Variants in FHIP2A observed in about 807,000 individuals in gnomAD.
FHIP2A encodes FHF complex subunit HOOK interacting protein 2A.
Under a neutral mutation model 93.5 loss-of-function variants are expected in FHIP2A, and 46 were observed. The ratio of observed to expected loss-of-function variants is 0.49; its 90% CI spans 0.39 to 0.63. The LOEUF is 0.63. FHIP2A is among the 20% of genes least tolerant of loss of function. The pLI, the probability that FHIP2A is intolerant of heterozygous loss-of-function variation, is 0.00. For synonymous variants in FHIP2A, 332 were observed against 326.5 expected, an observed-to-expected ratio of 1.02 and a Z score of -0.18; for missense variants, 769 against 909.7, an observed-to-expected ratio of 0.85 and a Z score of 1.99.
At chr10:114,860,278 T>C (rs916517221) in intron 14 of FHIP2A, among the ~76,000 whole-genome samples, 2 of 152,216 alleles carry the variant, frequency 1.3e-5, no homozygotes, top group Admixed American at 1.3e-4. Flanking sequence ...TTTGAGATGA[T>C]GAGAGCTAGT....
chr10:114,828,642 A>G (rs2083591057), intron 1 of FHIP2A, among the ~76,000 whole-genome samples: 1 of 152,170 alleles, frequency 6.6e-6, no homozygotes, highest in Admixed American at 6.5e-5. Flanking sequence ...TTATCTAAAC[A>G]TTTTAGGAAG....
intron 1 of FHIP2A, among the ~76,000 whole-genome samples, chr10:114,825,608 A>C (rs1042421937): frequency 6.6e-6 from 1 of 152,222 alleles, no homozygotes; most frequent in Admixed American, 6.5e-5. Flanking sequence ...GTCTTCTCTC[A>C]GTACAGAAAT....
At chr10:114,883,826 C>A (rs994591976) in intron 16 of FHIP2A, among the ~76,000 whole-genome samples, 2 of 152,114 alleles carry the variant, frequency 1.3e-5, no homozygotes, top group Non-Finnish European at 2.9e-5. Context: ...GTGATCCACC[C>A]GCCTTGGCCT....
chr10:114,849,567 T>A (rs1056365240), intron 13 of FHIP2A, among the ~76,000 whole-genome samples: 1 of 152,252 alleles, frequency 6.6e-6, no homozygotes, highest in Admixed American at 6.5e-5. Flanking sequence ...CGTAAGATTT[T>A]AAAAATTGTA....
At chr10:114,831,048 A>T in intron 2 of FHIP2A, 118 bp downstream of exon 2, 1 of 587,038 alleles carries the variant, frequency 1.7e-6, no homozygotes, top group South Asian at 2.6e-5. Context: ...GTTTATAGAC[A>T]ATCTTATCTT....
At chr10:114,888,871 G>A (rs1402539227) in intron 16 of FHIP2A, among the ~76,000 whole-genome samples, 2 of 152,124 alleles carry the variant, frequency 1.3e-5, no homozygotes, top group African/African-American at 4.8e-5. Context: ...TCAAAGTGCT[G>A]GGATTAAAGG....
intron 16 of FHIP2A, among the ~76,000 whole-genome samples, chr10:114,880,674 C>T (rs1380441791): frequency 2.7e-5 from 4 of 146,312 alleles, no homozygotes; most frequent in African/African-American, 1.1e-4. Context: ...AGTGAGACTC[C>T]ATGTCAACAC....
At chr10:114,897,677 A>C (rs2084007418) in intron 16 of FHIP2A, among the ~76,000 whole-genome samples, 1 of 152,186 alleles carries the variant, frequency 6.6e-6, no homozygotes, top group African/African-American at 2.4e-5. Context: ...TGCAAGGCCA[A>C]GATGGGCAGA....
chr10:114,887,982 A>T (rs1327756313), intron 16 of FHIP2A, among the ~76,000 whole-genome samples: 1 of 152,144 alleles, frequency 6.6e-6, no homozygotes, highest in Non-Finnish European at 1.5e-5. Flanking sequence ...ATGGACAGAT[A>T]TTGGAAGGAG....
At chr10:114,824,573 T>A (rs1258001044) in intron 1 of FHIP2A, among the ~76,000 whole-genome samples, 1 of 152,246 alleles carries the variant, frequency 6.6e-6, no homozygotes, top group Non-Finnish European at 1.5e-5. Flanking sequence ...AAATGTTTGA[T>A]GTTCTATACT....
intron 2 of FHIP2A, among the ~76,000 whole-genome samples, chr10:114,831,228 A>G (rs866121565): frequency 1.1e-4 from 16 of 152,318 alleles, no homozygotes; most frequent in South Asian, 8.3e-4. Flanking sequence ...TATATAGACA[A>G]ATATGTATAG....
chr10:114,845,891 T>A, intron 8 of FHIP2A, 122 bp from the exon 9 acceptor site: 1 of 719,204 alleles, frequency 1.4e-6, no homozygotes, highest in Non-Finnish European at 2.3e-6. Flanking sequence ...AATAAGAGGG[T>A]CATTAGGCAA....
intron 16 of FHIP2A, among the ~76,000 whole-genome samples, chr10:114,876,563 C>T (rs560859339): frequency 2.0e-5 from 3 of 152,304 alleles, no homozygotes; most frequent in East Asian, 1.9e-4. Flanking sequence ...ACTGGATGCA[C>T]GGCAGGCCCT....
chr10:114,860,141 C>T (rs181635301), intron 14 of FHIP2A, among the ~76,000 whole-genome samples: 1 of 151,958 alleles, frequency 6.6e-6, no homozygotes, highest in Admixed American at 6.6e-5. Flanking sequence ...TTTTTATGAC[C>T]CCTTGAACAA....
intron 16 of FHIP2A, among the ~76,000 whole-genome samples, chr10:114,891,920 G>T (rs1292499677): frequency 1.3e-5 from 2 of 152,110 alleles, no homozygotes; most frequent in Non-Finnish European, 2.9e-5. Flanking sequence ...CCAGCCAAGG[G>T]TGAATATATT....
intron 5 of FHIP2A, among the ~76,000 whole-genome samples, chr10:114,839,948 A>G (rs1405116341): frequency 6.6e-6 from 1 of 152,066 alleles, no homozygotes; most frequent in Non-Finnish European, 1.5e-5. Context: ...TCTGGTGAAG[A>G]CAGTAAATGA....
At chr10:114,895,683 A>G (rs2083997649) in intron 16 of FHIP2A, among the ~76,000 whole-genome samples, 1 of 152,196 alleles carries the variant, frequency 6.6e-6, no homozygotes. Flanking sequence ...TGAGTTGCCT[A>G]AGGTTTTGCA....
chr10:114,869,355 T>A (rs1224166957), downstream of FHIP2A, among the ~76,000 whole-genome samples: 1 of 152,220 alleles, frequency 6.6e-6, no homozygotes, highest in Non-Finnish European at 1.5e-5. Flanking sequence ...TAAATCTCTT[T>A]ATCCTGTTGC....
Position 114,863,948 on chromosome 10 carries a change from G to A in FHIP2A, c.*2408G>A, listed in dbSNP as rs962453502. ...TTGGATTTGTTTTTAGTTATGAGCC[G>A]CATTCTTTACTTGATAGAACTCAGA... is the stretch of plus-strand genomic sequence containing the variant. On this transcript the variant is annotated 3_prime_UTR_variant, in exon 17 of 17. Coordinates refer to ENST00000369248, the MANE Select transcript of FHIP2A (RefSeq NM_020940.4). 6.6e-6 allele frequency: 7 copies of A among 1,056,532 alleles called. No homozygotes were observed. The highest frequency in any genetic ancestry group is 9.1e-4 in the Middle Eastern group (2 of 2,186). 65.4% of individuals were successfully genotyped at this position (1,056,532 alleles called of 1,614,324 possible).
Sources: allele counts gnomAD v4.1 joint callset (sites outside exome capture counted in the v4.1 genomes callset), GRCh38; gene constraint gnomAD v4.1.1; transcripts MANE v1.5; gene names NCBI Gene and HGNC (gene_info 2026-07-23, HGNC 2026-07-21).